Variants in NRXN1 observed in about 807,000 individuals in gnomAD.
NRXN1 encodes neurexin 1.
NRXN1 carries 39 observed loss-of-function variants against 150.9 expected under a neutral mutation model. That is an observed-to-expected ratio of 0.26 (90% CI 0.20 to 0.34). The LOEUF (loss-of-function observed/expected upper bound fraction) is 0.34, where lower values mean the gene tolerates loss of function less well. NRXN1 is among the 10% of genes least tolerant of loss of function. The pLI is 1.00. For synonymous variants in NRXN1, 924 were observed against 757.0 expected (o/e 1.22, Z -3.62); for missense variants, 1,815 against 1,949.9 (o/e 0.93, Z 1.30).
chr2:50,029,225 G>A (rs529374830), intron 21 of NRXN1, among the ~76,000 whole-genome samples: 4 of 152,278 alleles, frequency 2.6e-5, no homozygotes, highest in South Asian at 2.1e-4. Context: ...ACCAGATACC[G>A]AATCAGCTGC....
rs533132744 is a variant in NRXN1, at chr2:50,364,920, C to T, written c.3364+100522G>A. 3.3e-5 allele frequency among the ~76,000 whole-genome samples: 5 copies of T among 151,846 alleles called. No homozygotes were observed. The South Asian group carries it at 1.0e-3, about 32-fold the overall frequency. ...GTCTCTAGGGAAACTGCAAGAGACC[C>T]CCAAACACATACCCTCTCAGCCAAT... On this transcript the variant is annotated intron_variant, in intron 17 of 22. Coordinates refer to ENST00000401669, the MANE Select transcript of NRXN1 (RefSeq NM_001330078.2).
chr2:50,051,776 C>T (rs1459281125), intron 21 of NRXN1, among the ~76,000 whole-genome samples: 3 of 152,036 alleles, frequency 2.0e-5, no homozygotes, highest in South Asian at 2.1e-4. Context: ...GCAGGGGTTT[C>T]GTTTGCTGTT....
chr2:50,735,139 G>T (rs1698571404), intron 5 of NRXN1, among the ~76,000 whole-genome samples: 1 of 152,026 alleles, frequency 6.6e-6, no homozygotes, highest in Non-Finnish European at 1.5e-5. Context: ...GAGCTAATAG[G>T]CCTTTCGTTT....
chr2:50,717,252 A>G (rs1695984019), intron 5 of NRXN1, among the ~76,000 whole-genome samples: 1 of 152,220 alleles, frequency 6.6e-6, no homozygotes, highest in Non-Finnish European at 1.5e-5. Context: ...TTTAAACATT[A>G]TAATAACACT....
At chr2:50,421,445 A>G (rs946819895) in intron 17 of NRXN1, among the ~76,000 whole-genome samples, 1 of 152,146 alleles carries the variant, frequency 6.6e-6, no homozygotes, top group South Asian at 2.1e-4. Flanking sequence ...TAGGAACACC[A>G]TAAATCATGC....
At chr2:50,781,859 A>C (rs1704396094) in intron 5 of NRXN1, among the ~76,000 whole-genome samples, 1 of 152,160 alleles carries the variant, frequency 6.6e-6, no homozygotes, top group African/African-American at 2.4e-5. Flanking sequence ...AGCATGCTTC[A>C]GTTCCCTCTG....
chr2:49,937,979 A>T (rs1192581369), intron 22 of NRXN1, among the ~76,000 whole-genome samples: 1 of 152,236 alleles, frequency 6.6e-6, no homozygotes, highest in Non-Finnish European at 1.5e-5. Flanking sequence ...TCAATTGAAT[A>T]GAAATCCCTT....
At chr2:50,149,126 C>T (rs762632593) in intron 18 of NRXN1, among the ~76,000 whole-genome samples, 3 of 151,662 alleles carry the variant, frequency 2.0e-5, no homozygotes, top group Admixed American at 6.6e-5. Context: ...ATGAAAGAGG[C>T]TATTTGTTGT....
intron 17 of NRXN1, among the ~76,000 whole-genome samples, chr2:50,385,545 T>C (rs2103736776): frequency 6.6e-6 from 1 of 152,290 alleles, no homozygotes; most frequent in Non-Finnish European, 1.5e-5. Flanking sequence ...ACCAACACTC[T>C]CAGTGGGTAA....
At chr2:50,235,790 C>T (rs1244648152) in intron 18 of NRXN1, among the ~76,000 whole-genome samples, 2 of 151,888 alleles carry the variant, frequency 1.3e-5, no homozygotes, top group African/African-American at 2.4e-5. Context: ...GGGAAATAAA[C>T]AGAACCTCAA....
chr2:50,209,618 C>G lies in NRXN1; in HGVS notation c.3546+27171G>C, dbSNP rs189758690. Among the ~76,000 whole-genome samples, 352 of 152,130 alleles carry G rather than the reference C, an allele frequency of 2.3e-3. 9 individuals carry two copies. Among genetic ancestry groups the G allele is most frequent in the Non-Finnish European group, 6.8e-4 (46 of 67,978 alleles). On this transcript the variant is annotated intron_variant, in intron 18 of 22. Transcript: ENST00000401669. ...TAAATAAAACAAACAAAATTATACC[C>G]TTTGAGAATTTCTATTTGGTTCTGT...
chr2:50,245,654 T>C (rs1168740489), intron 17 of NRXN1, among the ~76,000 whole-genome samples: 1 of 151,862 alleles, frequency 6.6e-6, no homozygotes, highest in Non-Finnish European at 1.5e-5. Flanking sequence ...GTCCTTTAAC[T>C]TACTTATTTC....
intron 5 of NRXN1, among the ~76,000 whole-genome samples, chr2:50,866,341 T>G (rs1353061329): frequency 6.6e-6 from 1 of 151,958 alleles, no homozygotes; most frequent in Non-Finnish European, 1.5e-5. Flanking sequence ...AATAAATTAT[T>G]ATGAATTGTG....
intron 18 of NRXN1, among the ~76,000 whole-genome samples, chr2:50,097,624 G>T (rs1425008905): frequency 6.6e-6 from 1 of 151,772 alleles, no homozygotes; most frequent in African/African-American, 2.4e-5. Context: ...TCAGATAATT[G>T]CTAATTTAGC....
intron 2 of NRXN1, among the ~76,000 whole-genome samples, chr2:50,934,265 A>G (rs1370399145): frequency 6.6e-6 from 1 of 152,156 alleles, no homozygotes; most frequent in Non-Finnish European, 1.5e-5. Context: ...GAAGAAAAAC[A>G]TTTATAATAA....
At chr2:50,191,198 G>GT (rs199985011) in intron 18 of NRXN1, among the ~76,000 whole-genome samples, 20,212 of 116,538 alleles carry the variant, frequency 0.17, 1,536 homozygotes, top group East Asian at 0.2. Flanking sequence ...TCAGCTAATT[G>GT]TTTTTTGTTT....
chr2:50,207,658 A>C (rs980182039), intron 18 of NRXN1: 2 of 168,648 alleles, frequency 1.2e-5, no homozygotes, highest in Non-Finnish European at 2.9e-5. Context: ...TGTTCTTTCA[A>C]GCATAGCAGT....
chr2:50,635,698 T>C (rs1039086365), intron 5 of NRXN1, among the ~76,000 whole-genome samples: 1 of 152,172 alleles, frequency 6.6e-6, no homozygotes, highest in Non-Finnish European at 1.5e-5. Context: ...TCATTAACAA[T>C]ATGTTTTACA....
At chr2:50,795,841 T>A (rs1706746981) in intron 5 of NRXN1, among the ~76,000 whole-genome samples, 1 of 120,150 alleles carries the variant, frequency 8.3e-6, no homozygotes, top group Admixed American at 1.0e-4. Flanking sequence ...TTACATGCAT[T>A]TTTTTTTTCC....
Sources: gnomAD v4.1 joint callset for allele counts (sites outside exome capture counted in the v4.1 genomes callset) on GRCh38, gnomAD v4.1.1 for gene constraint, MANE v1.5 for transcripts, NCBI Gene and HGNC (gene_info 2026-07-23, HGNC 2026-07-21) for gene names.